Variants in PARD6G observed in about 807,000 individuals in gnomAD.
PARD6G encodes partitioning defective 6 homolog gamma.
A neutral mutation model predicts 10.7 loss-of-function variants in PARD6G; 7 were observed. The ratio of observed to expected loss-of-function variants is 0.66; its 90% CI spans 0.37 to 1.23. The LOEUF is 1.23. PARD6G is among the 50% of genes most tolerant of loss of function. PARD6G has a pLI of 0.02. For synonymous variants in PARD6G, 287 were observed against 269.4 expected, an observed-to-expected ratio of 1.07 and a Z score of -0.64; for missense variants, 548 against 571.8, an observed-to-expected ratio of 0.96 and a Z score of 0.42.
chr18:80,167,347 T>C (rs530698581), intron 2 of PARD6G, among the ~76,000 whole-genome samples: 31 of 146,740 alleles, frequency 2.1e-4, no homozygotes, highest in Non-Finnish European at 3.7e-4. Context: ...TGCGTGTGGA[T>C]GTGTGTGCAG....
Position 80,182,868 on chromosome 18 carries a change from G to A in PARD6G, c.295+19842C>T. On this transcript the variant is annotated intron_variant, in intron 2 of 2. Coordinates refer to ENST00000353265, the MANE Select transcript of PARD6G (RefSeq NM_032510.4). This position sits in a 1 kb window ranked among gnomAD's most constrained non-coding sequence, Gnocchi z 4.5. ...GAGAACTTTTAAATCTGATGTTATA[G>A]TTTTATTTCTTAGTTCTAGGTACAG... The A allele has an allele frequency of 2.1e-6, 1 of 475,340 alleles. No individual in the cohort carries two copies. The highest frequency in any genetic ancestry group is 3.7e-6 in the Non-Finnish European group (1 of 268,916). 29.4% of individuals were successfully genotyped at this position (475,340 alleles called of 1,614,324 possible).
intron 1 of PARD6G, 79 bp from the exon 2 acceptor site, chr18:80,203,011 G>A (rs576399430): frequency 1.3e-5 from 12 of 941,604 alleles, no homozygotes; most frequent in South Asian, 1.1e-4. Context: ...TGTGGTTAGT[G>A]TACTTAACAA....
intron 1 of PARD6G, among the ~76,000 whole-genome samples, chr18:80,211,191 T>C (rs988099926): frequency 6.6e-6 from 1 of 152,192 alleles, no homozygotes; most frequent in African/African-American, 2.4e-5. Flanking sequence ...AAAAATTAGA[T>C]GCCAATTTAA....
intron 2 of PARD6G, chr18:80,162,131 GTC>G (rs1361585290): frequency 6.6e-6 from 1 of 152,236 alleles, no homozygotes; most frequent in Non-Finnish European, 1.5e-5. Context: ...CATGAGGACT[GTC>G]TTCCTGGGAG....
Position 80,160,430 on chromosome 18 carries a change from G to A in PARD6G, c.472C>T (p.Arg158Ter), listed in dbSNP as rs751696187. ...CAGCCGTGCCGGTGCAGCCGCACTC[G>A]CCGGTGCGTCTCGGGGACCAGGTCC... The part of the protein sequence containing the change: ...DVDLVPETHR[R>*]VRLHRHGCEK... The change falls in exon 3 of 3, where the codon CGA (arginine) becomes TGA (stop). Residue 158 changes from arginine to a stop codon, truncating the protein, a stop_gained. Coordinates refer to ENST00000353265, the MANE Select transcript of PARD6G (RefSeq NM_032510.4). LOFTEE classifies it low-confidence loss of function (END_TRUNC). The A allele has an allele frequency of 1.3e-6, 2 of 1,590,896 alleles. No homozygotes were observed. The highest frequency in any genetic ancestry group is 8.6e-7 in the Non-Finnish European group (1 of 1,168,726).
intron 2 of PARD6G, among the ~76,000 whole-genome samples, chr18:80,177,024 T>C (rs200488958): frequency 1.2e-4 from 7 of 57,294 alleles, no homozygotes; most frequent in Admixed American, 6.0e-4. Flanking sequence ...CGCGCGCGCG[T>C]GCACACACAC....
At chr18:80,226,572 C>T (rs1568442208) in intron 1 of PARD6G, among the ~76,000 whole-genome samples, 1 of 152,184 alleles carries the variant, frequency 6.6e-6, no homozygotes, top group African/African-American at 2.4e-5. Flanking sequence ...CAACACCGGT[C>T]TACTTCATGC....
chr18:80,168,466 G>A (rs556243932), intron 2 of PARD6G, among the ~76,000 whole-genome samples: 1 of 152,040 alleles, frequency 6.6e-6, no homozygotes, highest in East Asian at 1.9e-4. Flanking sequence ...CAAGCAATAT[G>A]TTAAATCTGG....
intron 2 of PARD6G, among the ~76,000 whole-genome samples, chr18:80,168,603 G>GTGTC (rs1313053772): frequency 5.3e-5 from 8 of 150,428 alleles, no homozygotes; most frequent in Admixed American, 5.3e-4. Context: ...GTGTGTGTGT[G>GTGTC]TGTGTATGTA....
At chr18:80,223,747 C>G (rs1967257075) in intron 1 of PARD6G, among the ~76,000 whole-genome samples, 1 of 152,174 alleles carries the variant, frequency 6.6e-6, no homozygotes, top group Non-Finnish European at 1.5e-5. Flanking sequence ...GAGGACGGCA[C>G]CAGCAGGCAC....
At chr18:80,236,989 GA>G (rs1298367803) in intron 1 of PARD6G, among the ~76,000 whole-genome samples, 1 of 152,076 alleles carries the variant, frequency 6.6e-6, no homozygotes, top group African/African-American at 2.4e-5. Flanking sequence ...CACAGAATTG[GA>G]AAAAACTACT....
chr18:80,159,964 G>C lies in PARD6G; in HGVS notation c.938C>G (p.Pro313Arg). Reference sequence around the variant, plus strand: ...GCCTGCGGGCGCGCCCGGGGTCTGGGGGGGACGTGCAGGCTCCAGTGTGCC... The same window carrying C: ...GCCTGCGGGCGCGCCCGGGGTCTGGCGGGGACGTGCAGGCTCCAGTGTGCC... ...IEGTLEPARP[P>R]QTPGAPAGSL... The change falls in exon 3 of 3, where the codon CCC becomes CGC. Residue 313 changes from proline to arginine, a missense_variant. By Grantham distance (103) the Pro-to-Arg change is moderately radical. Transcript: ENST00000353265. 1 of 1,499,604 alleles carries C rather than the reference G, an allele frequency of 6.7e-7. No homozygotes were observed. The highest frequency in any genetic ancestry group is 8.8e-7 in the Non-Finnish European group (1 of 1,134,546). The allele number at this position is 1,499,604 out of a possible 1,614,324, so 92.9% of individuals were successfully genotyped here.
chr18:80,205,051 A>G (rs1342016310), intron 1 of PARD6G, among the ~76,000 whole-genome samples: 1 of 152,204 alleles, frequency 6.6e-6, no homozygotes, highest in African/African-American at 2.4e-5. Context: ...TAAGGGAAGA[A>G]GTGGGACCCC....
chr18:80,184,129 G>T lies in PARD6G; in HGVS notation c.295+18581C>A, dbSNP rs1181875738. ...CACTAGGGCTTCAACCAGATGAGGG[G>T]CGTTTAGGAAAACCCACAGCTGAAG... is the stretch of plus-strand genomic sequence containing the variant. On this transcript the variant is annotated intron_variant, in intron 2 of 2. Coordinates refer to ENST00000353265, the MANE Select transcript of PARD6G (RefSeq NM_032510.4). The surrounding 1 kb of genome is among the most constrained non-coding windows in gnomAD (Gnocchi z 4.5). 6.6e-6 allele frequency: 1 copy of T among 152,178 alleles called. No homozygotes were observed. Among genetic ancestry groups the T allele is most frequent in the Non-Finnish European group, 1.5e-5 (1 of 68,056 alleles). The allele number at this position is 152,178 out of a possible 1,614,324, so 9.4% of individuals were successfully genotyped here.
chr18:80,185,027 C>T (rs1226510628), intron 2 of PARD6G: 2 of 152,154 alleles, frequency 1.3e-5, no homozygotes, highest in African/African-American at 2.4e-5. Flanking sequence ...GGTGTTGCAA[C>T]CTTGAATGTC....
intron 1 of PARD6G, among the ~76,000 whole-genome samples, chr18:80,226,184 T>TAGACGGAG (rs1967287917): frequency 3.7e-5 from 2 of 54,756 alleles, no homozygotes; most frequent in African/African-American, 6.8e-5. Context: ...TTTTTTTTTT[T>TAGACGGAG]TTTAGACGGA....
chr18:80,239,408 G>T (rs1967464451), intron 1 of PARD6G, among the ~76,000 whole-genome samples: 1 of 151,984 alleles, frequency 6.6e-6, no homozygotes, highest in African/African-American at 2.4e-5. Flanking sequence ...ATCATCTTGG[G>T]CCACACATAA....
chr18:80,166,075 T>C (rs62101566), intron 2 of PARD6G, among the ~76,000 whole-genome samples: 65,115 of 151,310 alleles, frequency 0.43, 15,150 homozygotes, highest in South Asian at 0.55. Context: ...CAAAACTCCA[T>C]CTCAAAAAAA....
At chr18:80,166,460 A>G (rs988269936) in intron 2 of PARD6G, among the ~76,000 whole-genome samples, 1 of 151,054 alleles carries the variant, frequency 6.6e-6, no homozygotes, top group Non-Finnish European at 1.5e-5. Context: ...GCCTTGTCTC[A>G]GTGGAAAATC....
Sources: gnomAD v4.1 joint callset for allele counts (sites outside exome capture counted in the v4.1 genomes callset) on GRCh38, gnomAD v4.1.1 for gene constraint, Gnocchi (gnomAD v3.1) non-coding constraint, MANE v1.5 for transcripts, NCBI Gene and HGNC (gene_info 2026-07-23, HGNC 2026-07-21) for gene names.